The following ZNF569 variants were observed in gnomAD, a reference collection of about 807,000 sequenced individuals.
ZNF569 encodes the protein zinc finger protein 569.
A neutral mutation model predicts 56.3 loss-of-function variants in ZNF569; 38 were observed. The observed-to-expected ratio is 0.68, with a 90% CI of 0.52 to 0.88. ZNF569 has a LOEUF of 0.88. Among genes scored for constraint, ZNF569 ranks in the 40% least tolerant of loss-of-function variants. The pLI, the probability that ZNF569 is intolerant of heterozygous loss-of-function variation, is 0.00. For missense variants in ZNF569, 666 were observed against 809.2 expected (o/e 0.82, Z 2.15); for synonymous variants, 241 against 262.9 (o/e 0.92, Z 0.81).
intron 3 of ZNF569, 36 bp from the exon 4 acceptor site, chr19:37,426,414 C>A (rs747612120): frequency 1.3e-6 from 2 of 1,547,540 alleles, no homozygotes; most frequent in Non-Finnish European, 1.7e-6. Context: ...CTGAAGTCAT[C>A]CATCTTGGGT....
Position 37,414,298 on chromosome 19 carries a change from T to C in ZNF569, c.360A>G (p.Ala120=). 6.2e-7 allele frequency: 1 copy of C among 1,613,720 alleles called. No homozygotes were observed. The change falls in exon 6 of 6, where the codon GCA becomes GCG. Residue 120 remains alanine (A), a synonymous_variant. Transcript: ENST00000316950. ...EKGNECQKKF[A]NVFPLNSDFF... ...AATCAGAGTTCAGAGGAAATACATT[T>C]GCAAATTTCTTTTGACATTCATTGC...
At chr19:37,425,386 A>G (rs1046679524) in intron 5 of ZNF569, among the ~76,000 whole-genome samples, 5 of 147,210 alleles carry the variant, frequency 3.4e-5, no homozygotes, top group African/African-American at 1.3e-4. Context: ...CAGTGGCGCA[A>G]TCTTGGCTCA....
chr19:37,416,428 C>T (rs1041400505), intron 5 of ZNF569, among the ~76,000 whole-genome samples: 23 of 152,124 alleles, frequency 1.5e-4, no homozygotes, highest in Admixed American at 2.6e-4. Flanking sequence ...CAAACAACTA[C>T]AGTCATCCCT....
At chr19:37,469,038 C>A, upstream of ZNF569, 11 of 989,074 alleles carry the variant, frequency 1.1e-5, no homozygotes, top group Non-Finnish European at 1.3e-5. Context: ...CTAAGGGAGG[C>A]GCGCAGAGCG....
rs754587508 is a variant in ZNF569 at position 37,442,179 on chromosome 19, T to C, written c.15+2728A>G. 1.1e-4 allele frequency among the ~76,000 whole-genome samples: 17 copies of C among 152,168 alleles called. 1 individual carries two copies. Among genetic ancestry groups the C allele is most frequent in the Admixed American group, 7.9e-4 (12 of 15,276 alleles). ...GAATAAGTGAGATAAAATGTGATATTGATAAGTTAAGAAAATGCAATAAAG... is the reference window on the plus strand; with the variant it reads ...GAATAAGTGAGATAAAATGTGATATCGATAAGTTAAGAAAATGCAATAAAG... On this transcript the variant is annotated intron_variant, in intron 3 of 5. Transcript: ENST00000316950.
Position 37,412,988 on chromosome 19 carries a change from T to C in ZNF569, c.1670A>G (p.Lys557Arg). 1 of 1,613,818 alleles carries C rather than the reference T, an allele frequency of 6.2e-7. No individual in the cohort carries two copies. Among genetic ancestry groups the C allele is most frequent in the Non-Finnish European group, 8.5e-7 (1 of 1,179,896 alleles). The change falls in exon 6 of 6, where the codon AAA becomes AGA. Residue 557 changes from lysine to arginine, a missense_variant. By Grantham distance (26) the Lys-to-Arg change is conservative. Coordinates refer to ENST00000316950, the MANE Select transcript of ZNF569 (RefSeq NM_152484.3). ...AAGCAGTGAGCACTGAGAGAAGGCTTTACCACATTTATCACATTCATAAGG... is the reference window on the plus strand; with the variant it reads ...AAGCAGTGAGCACTGAGAGAAGGCTCTACCACATTTATCACATTCATAAGG... ...EKPYECDKCG[K>R]AFSQCSLLNL...
chr19:37,416,872 AT>A (rs765934223), intron 5 of ZNF569, among the ~76,000 whole-genome samples: 10 of 152,250 alleles, frequency 6.6e-5, no homozygotes, highest in Non-Finnish European at 1.5e-4. Context: ...ACTTGAACAA[AT>A]AGAATGGTGT....
At chr19:37,445,129 T>C (rs1029837618) in intron 2 of ZNF569, among the ~76,000 whole-genome samples, 165 bp from the exon 3 acceptor site, 3 of 152,072 alleles carry the variant, frequency 2.0e-5, no homozygotes, top group Non-Finnish European at 4.4e-5. Flanking sequence ...GTGAGGATGA[T>C]TGGAATAATC....
intron 5 of ZNF569, among the ~76,000 whole-genome samples, chr19:37,420,103 C>T (rs1033353109): frequency 1.3e-5 from 2 of 151,498 alleles, no homozygotes; most frequent in Admixed American, 1.3e-4. Flanking sequence ...TCTCCTGCCT[C>T]AGCCTCCTGA....
intron 2 of ZNF569, among the ~76,000 whole-genome samples, chr19:37,459,928 CA>C (rs1350836911): frequency 6.6e-6 from 1 of 151,770 alleles, no homozygotes; most frequent in Non-Finnish European, 1.5e-5. Context: ...TCTAGGGTGA[CA>C]CTAAAATTTT....
intron 3 of ZNF569, among the ~76,000 whole-genome samples, chr19:37,428,627 A>C (rs2041174998): frequency 1.3e-5 from 2 of 151,982 alleles, no homozygotes; most frequent in South Asian, 4.1e-4. Context: ...TTAGGAAAAA[A>C]CATTAAAACT....
At chr19:37,434,253 T>C (rs1007739806) in intron 3 of ZNF569, among the ~76,000 whole-genome samples, 11 of 149,244 alleles carry the variant, frequency 7.4e-5, no homozygotes, top group South Asian at 2.1e-4. Context: ...TGAGCCGAGA[T>C]TGTGCCACTG....
intron 3 of ZNF569, 118 bp from the exon 4 acceptor site, chr19:37,426,496 G>A: frequency 9.1e-7 from 1 of 1,097,040 alleles, no homozygotes; most frequent in South Asian, 2.7e-5. Flanking sequence ...CATCATATTA[G>A]CAGCATCCTG....
In ZNF569 at chr19:37,416,822, C is replaced by G. The variant is rs568242381; in HGVS notation, c.239-2403G>C. Among the ~76,000 whole-genome samples the G allele has an allele frequency of 2.0e-5, 3 of 152,034 alleles. No individual in the cohort carries two copies. In the East Asian group the frequency reaches 5.8e-4, roughly 29 times the overall value. On this transcript the variant is annotated intron_variant, in intron 5 of 5. Transcript: ENST00000316950. ...AAAAATATACAAAAATAAAAAATGT[C>G]CAAAAACCATATGAAGAAAAGTTTA...
In ZNF569 at chr19:37,412,779, C is replaced by A; in HGVS notation, c.1879G>T (p.Gly627Ter). The A allele has an allele frequency of 6.2e-7, 1 of 1,613,558 alleles. No homozygotes were observed. Among genetic ancestry groups the A allele is most frequent in the Non-Finnish European group, 8.5e-7 (1 of 1,179,822 alleles). The change falls in exon 6 of 6, where the codon GGA becomes TGA. Residue 627 changes from glycine (G) to a stop codon, truncating the protein, a stop_gained. Transcript: ENST00000316950. LOFTEE classifies it high-confidence loss of function. ...QSSSLTIHIR[G>*]HTGEKPFDCS... ...TCGAAGGGTTTCTCACCTGTATGTC[C>A]TCGTATATGTATAGTAAGGGATGAG...
Position 37,460,965 on chromosome 19 carries a change from A to G in ZNF569, c.-44+4348T>C, listed in dbSNP as rs138545837. ...AAGTGCAGTGATTTAAAACACATCA[A>G]ATATGCTAAAAATGATGAATATATA... is the stretch of plus-strand genomic sequence containing the variant. On this transcript the variant is annotated intron_variant, in intron 2 of 5. Coordinates refer to ENST00000316950, the MANE Select transcript of ZNF569 (RefSeq NM_152484.3). 6.7e-3 allele frequency among the ~76,000 whole-genome samples: 1,014 copies of G among 152,302 alleles called. 14 individuals are homozygous for G. The highest frequency in any genetic ancestry group is 0.023 in the African/African-American group (973 of 41,570).
chr19:37,421,163 G>A (rs2146875061), intron 5 of ZNF569, among the ~76,000 whole-genome samples: 1 of 152,308 alleles, frequency 6.6e-6, no homozygotes, highest in Non-Finnish European at 1.5e-5. Context: ...TAGAGCACGA[G>A]CAGGGTGTAT....
At chr19:37,468,104 A>C (rs2041882195), upstream of ZNF569, 2 of 630,790 alleles carry the variant, frequency 3.2e-6, no homozygotes, top group East Asian at 5.6e-5. Context: ...GTTTTTTTTG[A>C]GGCAGAGCCT....
intron 2 of ZNF569, among the ~76,000 whole-genome samples, chr19:37,462,720 AGTTT>A (rs1388699955): frequency 6.6e-6 from 1 of 152,054 alleles, no homozygotes; most frequent in Non-Finnish European, 1.5e-5. Context: ...TACTTCCCAG[AGTTT>A]GTTATGTTGG....
Sources: allele counts gnomAD v4.1 joint callset (sites outside exome capture counted in the v4.1 genomes callset), GRCh38; gene constraint gnomAD v4.1.1; transcripts MANE v1.5; gene names NCBI Gene and HGNC (gene_info 2026-07-23, HGNC 2026-07-21).